ERAP1: variants seen among roughly 807,000 people sequenced by gnomAD.
ERAP1 encodes the protein endoplasmic reticulum aminopeptidase 1.
In ERAP1, 86 loss-of-function variants were observed where a neutral mutation model predicts 103.7. That is an observed-to-expected ratio of 0.83 (90% CI 0.70 to 0.99). The LOEUF is 0.99. Among genes scored for constraint, ERAP1 ranks in the 50% least tolerant of loss-of-function variants. The probability of loss-of-function intolerance (pLI) is 0.00; values close to 1 mark genes in which losing one functional copy is unlikely to be tolerated. For synonymous variants in ERAP1, 398 were observed against 402.4 expected (o/e 0.99, Z 0.13); for missense variants, 1,009 against 1,128.4 (o/e 0.89, Z 1.52).
the ERAP1 span, among the ~76,000 whole-genome samples, chr5:96,916,881 T>C: frequency 6.6e-6 from 1 of 152,118 alleles, no homozygotes; most frequent in Admixed American, 6.6e-5. Flanking sequence ...AGCTCACCAT[T>C]TACTCTATGA....
the ERAP1 span, chr5:96,935,312 A>C: frequency 6.6e-6 from 1 of 152,168 alleles, no homozygotes; most frequent in Non-Finnish European, 1.5e-5. Flanking sequence ...CAGCCCCGGG[A>C]CTGGACCCCA....
intron 19 of ERAP1, chr5:96,767,374 G>T (rs1457862700): frequency 7.4e-7 from 1 of 1,346,204 alleles, no homozygotes; most frequent in African/African-American, 1.4e-5. Context: ...ATTCTCTACT[G>T]CCTAAACCTA....
chr5:96,919,439 G>A, the ERAP1 span: 2 of 152,076 alleles, frequency 1.3e-5, no homozygotes, highest in African/African-American at 4.8e-5. Flanking sequence ...AAACATACTG[G>A]TTTTTTTCAA....
At chr5:96,919,934 C>T in the ERAP1 span, among the ~76,000 whole-genome samples, 4 of 152,222 alleles carry the variant, frequency 2.6e-5, no homozygotes, top group African/African-American at 7.2e-5. Flanking sequence ...GTTCCAGCAA[C>T]TCACTCATAA....
At chr5:96,856,288 C>T in the ERAP1 span, among the ~76,000 whole-genome samples, 10 of 127,856 alleles carry the variant, frequency 7.8e-5, no homozygotes, top group Admixed American at 1.7e-4. Flanking sequence ...CATTGCACTC[C>T]AGCCTGGGTG....
intron 18 of ERAP1, among the ~76,000 whole-genome samples, chr5:96,779,865 T>C (rs1313633013): frequency 1.3e-5 from 2 of 152,202 alleles, no homozygotes; most frequent in Admixed American, 1.3e-4. Flanking sequence ...CTGTGATAAA[T>C]TCAGGGGACA....
At chr5:96,810,175 G>A (rs761577867), upstream of ERAP1, among the ~76,000 whole-genome samples, 5 of 152,204 alleles carry the variant, frequency 3.3e-5, no homozygotes, top group Non-Finnish European at 5.9e-5. Flanking sequence ...TACAAAGAGC[G>A]ATAAGTCAGA....
chr5:96,841,624 A>T, the ERAP1 span, among the ~76,000 whole-genome samples: 1 of 152,222 alleles, frequency 6.6e-6, no homozygotes, highest in Non-Finnish European at 1.5e-5. Flanking sequence ...GCTAACCCAG[A>T]GAAGTAAGTG....
chr5:96,808,205 T>TGC (rs1778897944), upstream of ERAP1: 1 of 84,492 alleles, frequency 1.2e-5, no homozygotes, highest in Non-Finnish European at 2.6e-5. Flanking sequence ...TGTGTGTGTG[T>TGC]GTGTGTGTGT....
At position 96,786,011 on chromosome 5, in the gene ERAP1, C is replaced by T. The variant is rs469758; in HGVS notation, c.1760-40G>A. Reference sequence around the variant, plus strand: ...ATAAATCAAAGTTCCATTTGCTCCCCTGCCTGAAGAAAGCTTTTCTCATCC... The same window carrying T: ...ATAAATCAAAGTTCCATTTGCTCCCTTGCCTGAAGAAAGCTTTTCTCATCC... On this transcript the variant is annotated intron_variant, in intron 12 of 18. Coordinates refer to ENST00000443439, the MANE Select transcript of ERAP1 (RefSeq NM_001040458.3). The T allele has an allele frequency of 0.64, 1,025,380 of 1,593,676 alleles. 331,589 individuals carry two copies. Among genetic ancestry groups the T allele is most frequent in the Non-Finnish European group, 0.66 (769,405 of 1,164,250 alleles).
At chr5:96,920,843 G>T in the ERAP1 span, among the ~76,000 whole-genome samples, 1 of 152,214 alleles carries the variant, frequency 6.6e-6, no homozygotes, top group Non-Finnish European at 1.5e-5. Context: ...AAAGGATCAT[G>T]AAAGAAGTGG....
At chr5:96,866,767 T>C in the ERAP1 span, among the ~76,000 whole-genome samples, 2 of 151,998 alleles carry the variant, frequency 1.3e-5, no homozygotes, top group African/African-American at 4.8e-5. Context: ...TGCTGAGGAG[T>C]TGATGTGCTA....
At chr5:96,857,482 TAATAAAAATTAATAAAAA>T in the ERAP1 span, among the ~76,000 whole-genome samples, 1 of 151,822 alleles carries the variant, frequency 6.6e-6, no homozygotes, top group East Asian at 1.9e-4. Context: ...AACTAAAAAT[TAATAAAAATTAATAAAAA>T]AATAAAAAGC....
At chr5:96,787,820 A>ATG (rs1324009150) in intron 11 of ERAP1, among the ~76,000 whole-genome samples, 5 of 148,714 alleles carry the variant, frequency 3.4e-5, no homozygotes, top group South Asian at 2.1e-4. Flanking sequence ...ATATACACAT[A>ATG]TATATGTATA....
At chr5:96,768,426 G>A (rs776507247) in intron 19 of ERAP1, 47 of 455,958 alleles carry the variant, frequency 1.0e-4, no homozygotes, top group Admixed American at 3.6e-4. Flanking sequence ...CGATGATATA[G>A]AGAACCTGAA....
chr5:96,805,661 G>A (rs1778521101), intron 1 of ERAP1: 1 of 152,268 alleles, frequency 6.6e-6, no homozygotes, highest in African/African-American at 2.4e-5. Flanking sequence ...GGTGAGACAG[G>A]AAGTGTGAAC....
chr5:96,846,227 T>C, the ERAP1 span, among the ~76,000 whole-genome samples: 1 of 152,194 alleles, frequency 6.6e-6, no homozygotes, highest in Admixed American at 6.5e-5. Context: ...GCCCATGATC[T>C]ATCCTACCCA....
Position 96,803,688 on chromosome 5 carries a change from G to T in ERAP1, c.239C>A (p.Thr80Lys). 6.2e-7 allele frequency: 1 copy of T among 1,614,186 alleles called. No individual in the cohort carries two copies. Among genetic ancestry groups the T allele is most frequent in the Non-Finnish European group, 8.5e-7 (1 of 1,180,034 alleles). Reference sequence around the variant, plus strand: ...CTGACTGGCTGTGATTTCTACTTTCGTGGTTCCCCAGAAGGTCAGCGTGGT... The same window carrying T: ...CTGACTGGCTGTGATTTCTACTTTCTTGGTTCCCCAGAAGGTCAGCGTGGT... ...NLTTLTFWGTTKVEITASQPT... is the reference protein window; with the variant it reads ...NLTTLTFWGTKKVEITASQPT... The change falls in exon 2 of 19, where the codon ACG (threonine) becomes AAG (lysine). Residue 80 changes from threonine to lysine, a missense_variant. This residue lies in a region of ERAP1 where 392 missense variants were observed against 455.2 expected (regional missense o/e 0.86). Transcript: ENST00000443439.
intron 7 of ERAP1, among the ~76,000 whole-genome samples, chr5:96,792,670 T>G (rs1776869153): frequency 6.6e-6 from 1 of 152,176 alleles, no homozygotes; most frequent in Non-Finnish European, 1.5e-5. Context: ...TTACTAAAGA[T>G]CATGTAGAAA....
Sources: allele counts gnomAD v4.1 joint callset (sites outside exome capture counted in the v4.1 genomes callset), GRCh38; gene constraint gnomAD v4.1.1; regional missense constraint gnomAD v4.1.1; transcripts MANE v1.5; gene names NCBI Gene and HGNC (gene_info 2026-07-23, HGNC 2026-07-21).